The following PDLIM5 variants were observed in gnomAD, a reference collection of about 807,000 sequenced individuals.
The protein encoded by PDLIM5 is PDZ and LIM domain protein 5.
PDLIM5 carries 34 observed loss-of-function variants against 64.2 expected under a neutral mutation model. That is an observed-to-expected ratio of 0.53 (90% CI 0.40 to 0.71). PDLIM5 has a LOEUF of 0.71. PDLIM5 is among the 30% of genes least tolerant of loss of function. The pLI, the probability that PDLIM5 is intolerant of heterozygous loss-of-function variation, is 0.00. For missense variants in PDLIM5, 683 were observed against 733.6 expected, an observed-to-expected ratio of 0.93 and a Z score of 0.80; for synonymous variants, 253 against 269.1, an observed-to-expected ratio of 0.94 and a Z score of 0.59.
At chr4:94,524,393 A>AAAT (rs1560676628) in intron 3 of PDLIM5, among the ~76,000 whole-genome samples, 2 of 143,176 alleles carry the variant, frequency 1.4e-5, no homozygotes, top group Non-Finnish European at 3.0e-5. Context: ...AAAAAAAAAA[A>AAAT]ATTGTGTATA....
intron 5 of PDLIM5, among the ~76,000 whole-genome samples, chr4:94,581,085 T>A (rs1255029100): frequency 6.6e-6 from 1 of 152,118 alleles, no homozygotes; most frequent in South Asian, 2.1e-4. Context: ...ATTTCACTGT[T>A]GAGGAAAATG....
chr4:94,644,732 G>A (rs1741273438), intron 9 of PDLIM5, among the ~76,000 whole-genome samples: 1 of 151,836 alleles, frequency 6.6e-6, no homozygotes, highest in South Asian at 2.1e-4. Context: ...TAGTACAGAT[G>A]GGATTTCACC....
At chr4:94,499,617 A>G (rs1283493847) in intron 2 of PDLIM5, among the ~76,000 whole-genome samples, 1 of 152,210 alleles carries the variant, frequency 6.6e-6, no homozygotes, top group Non-Finnish European at 1.5e-5. Context: ...TAGGTTATAT[A>G]CAAATACTAT....
chr4:94,529,475 C>T (rs760898200), intron 3 of PDLIM5, among the ~76,000 whole-genome samples: 27 of 151,882 alleles, frequency 1.8e-4, no homozygotes, highest in Non-Finnish European at 3.1e-4. Flanking sequence ...AGAAAATATA[C>T]GTGTATATTC....
intron 2 of PDLIM5, among the ~76,000 whole-genome samples, chr4:94,505,906 T>C (rs1457543829): frequency 6.6e-6 from 1 of 152,192 alleles, no homozygotes; most frequent in Non-Finnish European, 1.5e-5. Context: ...GCTTACGTCA[T>C]TGGCCATTGG....
At chr4:94,487,662 C>T (rs1297910755) in intron 2 of PDLIM5, among the ~76,000 whole-genome samples, 1 of 152,186 alleles carries the variant, frequency 6.6e-6, no homozygotes, top group Non-Finnish European at 1.5e-5. Context: ...ATGGAGACTT[C>T]ATGGTGCTTA....
At chr4:94,534,844 C>T (rs921510850) in intron 3 of PDLIM5, among the ~76,000 whole-genome samples, 4 of 152,154 alleles carry the variant, frequency 2.6e-5, no homozygotes, top group Middle Eastern at 3.4e-3. Context: ...GGTAGGTAGT[C>T]GGGTAACTAC....
At chr4:94,642,414 G>C (rs1209919797) in intron 9 of PDLIM5, among the ~76,000 whole-genome samples, 1 of 152,098 alleles carries the variant, frequency 6.6e-6, no homozygotes, top group Non-Finnish European at 1.5e-5. Flanking sequence ...ACCCCTACCT[G>C]CCTTGGTTTT....
intron 3 of PDLIM5, among the ~76,000 whole-genome samples, chr4:94,539,546 C>G (rs1731599230): frequency 6.6e-6 from 1 of 152,108 alleles, no homozygotes; most frequent in Non-Finnish European, 1.5e-5. Context: ...AAAAGAAATG[C>G]ATCTCTCAGT....
At chr4:94,660,917 A>T (rs1050092522) in intron 11 of PDLIM5, among the ~76,000 whole-genome samples, 5 of 66,150 alleles carry the variant, frequency 7.6e-5, no homozygotes, top group Non-Finnish European at 1.1e-4. Flanking sequence ...TACTAAAAAT[A>T]AAAAAAAATA....
At position 94,473,552 on chromosome 4, in the gene PDLIM5, G is replaced by T. The variant is rs75406697; in HGVS notation, c.96+18168G>T. 8.6e-4 allele frequency among the ~76,000 whole-genome samples: 131 copies of T among 152,326 alleles called. 1 individual carries two copies. The highest frequency in any genetic ancestry group is 3.1e-3 in the African/African-American group (128 of 41,584). On this transcript the variant is annotated intron_variant, in intron 2 of 12. Transcript: ENST00000317968. ...TGGGATTACAGGCATGAGCCACCGC[G>T]CCTGGCCCAGATGATTTTAGAGAGC...
In PDLIM5 at chr4:94,664,038, A is replaced by G. The variant is rs768715645; in HGVS notation, c.1762A>G (p.Lys588Glu). 8 of 1,608,504 alleles carry G rather than the reference A, an allele frequency of 5.0e-6. No homozygotes were observed. The South Asian group carries it at 8.9e-5, about 18-fold the overall frequency. The change falls in exon 13 of 13, where the codon AAG becomes GAG. Residue 588 changes from lysine (K) to glutamate (E), a missense_variant. Lys to Glu is a moderately conservative substitution (Grantham distance 56, BLOSUM62 1). Transcript: ENST00000317968. ...FFSKKDKPLC[K>E]KHAHSVNF ...CTCCAAGAAGGACAAGCCCCTGTGT[A>G]AGAAACATGCTCATTCTGTGAATTT...
chr4:94,650,232 G>C (rs936975023), intron 9 of PDLIM5, among the ~76,000 whole-genome samples: 1 of 152,088 alleles, frequency 6.6e-6, no homozygotes, highest in African/African-American at 2.4e-5. Context: ...GTTTGTGAAT[G>C]TATTTATGTG....
chr4:94,480,517 G>A (rs1284010647), intron 2 of PDLIM5, among the ~76,000 whole-genome samples: 3 of 152,202 alleles, frequency 2.0e-5, no homozygotes, highest in African/African-American at 7.2e-5. Flanking sequence ...AAGAAGTGGT[G>A]TTCCCAGAGC....
chr4:94,479,047 G>A (rs1288460580), intron 2 of PDLIM5, among the ~76,000 whole-genome samples: 2 of 151,114 alleles, frequency 1.3e-5, no homozygotes, highest in African/African-American at 2.4e-5. Flanking sequence ...CCACAGGCAT[G>A]TGCCACCGGG....
At chr4:94,528,982 T>C (rs1305993328) in intron 3 of PDLIM5, among the ~76,000 whole-genome samples, 1 of 152,182 alleles carries the variant, frequency 6.6e-6, no homozygotes, top group Non-Finnish European at 1.5e-5. Context: ...GAGGCTGGTA[T>C]AGCCAAACAG....
chr4:94,631,065 C>CTTTT (rs35302992), intron 8 of PDLIM5, among the ~76,000 whole-genome samples: 1 of 135,694 alleles, frequency 7.4e-6, no homozygotes, highest in African/African-American at 2.8e-5. Context: ...CCATGCCAAA[C>CTTTT]TTTTTTTTTT....
Position 94,463,021 on chromosome 4 carries a change from G to A in PDLIM5, c.96+7637G>A, listed in dbSNP as rs140703464. Among the ~76,000 whole-genome samples the A allele has an allele frequency of 5.0e-4, 76 of 152,138 alleles. No individual in the cohort carries two copies. The East Asian group carries it at 0.011, about 22-fold the overall frequency. On this transcript the variant is annotated intron_variant, in intron 2 of 12. Transcript: ENST00000317968. ...AAGATGCCATTTTCTGAATTCTTTC[G>A]TCCAGAGCTTTTGTTAGTAATTATC... is the stretch of plus-strand genomic sequence containing the variant.
intron 8 of PDLIM5, among the ~76,000 whole-genome samples, chr4:94,632,804 A>T (rs1357931509): frequency 6.6e-6 from 1 of 152,204 alleles, no homozygotes. Flanking sequence ...GGCTTTGAAG[A>T]GGTGGAAGGG....
Sources: gnomAD v4.1 joint callset for allele counts (sites outside exome capture counted in the v4.1 genomes callset) on GRCh38, gnomAD v4.1.1 for gene constraint, MANE v1.5 for transcripts, NCBI Gene and HGNC (gene_info 2026-07-23, HGNC 2026-07-21) for gene names.